Variants in ZNF420 observed in about 807,000 individuals in gnomAD.
ZNF420 encodes zinc finger protein 420, also known as ATM and p53-associated KZNF protein.
ZNF420 carries 31 observed loss-of-function variants against 44.7 expected under a neutral mutation model. The observed-to-expected ratio is 0.69, with a 90% CI of 0.52 to 0.94. The LOEUF (loss-of-function observed/expected upper bound fraction) is 0.94. ZNF420 is among the 40% of genes least tolerant of loss of function. The probability of loss-of-function intolerance (pLI) is 0.00; values close to 1 mark genes in which losing one functional copy is unlikely to be tolerated. For missense variants in ZNF420, 681 were observed against 827.9 expected (o/e 0.82, Z 2.18); for synonymous variants, 245 against 267.4 (o/e 0.92, Z 0.82).
At chr19:37,046,879 CTAAT>C (rs906022589) in intron 1 of ZNF420, among the ~76,000 whole-genome samples, 1 of 150,692 alleles carries the variant, frequency 6.6e-6, no homozygotes, top group Non-Finnish European at 1.5e-5. Context: ...ATATAAGGTG[CTAAT>C]TTTTAAGAAA....
chr19:37,127,728 C>T lies in ZNF420; in HGVS notation c.737C>T (p.Thr246Ile). The T allele has an allele frequency of 6.2e-7, 1 of 1,614,020 alleles. No individual in the cohort carries two copies. The highest frequency in any genetic ancestry group is 8.5e-7 in the Non-Finnish European group (1 of 1,179,952). The change falls in exon 5 of 5, where the codon ACT becomes ATT. Residue 246 changes from threonine (T) to isoleucine (I), a missense_variant. By Grantham distance (89) the Thr-to-Ile change is moderately conservative (BLOSUM62 -1). This residue lies in a region of ZNF420 where 350 missense variants were observed against 382.5 expected (regional missense o/e 0.92). Coordinates refer to ENST00000337995, the MANE Select transcript of ZNF420 (RefSeq NM_144689.5). ...CTTACCCGACATCAAAAAGTTCATA[C>T]TGGTGAGAAACCTTATGAATGTAAA... ...SQLTRHQKVH[T>I]GEKPYECKEC...
At chr19:37,122,766 C>G (rs1971126448) in intron 4 of ZNF420, among the ~76,000 whole-genome samples, 1 of 152,090 alleles carries the variant, frequency 6.6e-6, no homozygotes, top group Non-Finnish European at 1.5e-5. Context: ...TCAAACTTCC[C>G]TTTTTCATCC....
At chr19:37,019,234 T>C (rs1047067163) in intron 1 of ZNF420, among the ~76,000 whole-genome samples, 9 of 152,148 alleles carry the variant, frequency 5.9e-5, no homozygotes, top group Non-Finnish European at 1.3e-4. Context: ...ACAAAAATTA[T>C]TTCTCCAAAG....
At chr19:37,084,260 G>A (rs1464929563) in intron 2 of ZNF420, among the ~76,000 whole-genome samples, 1 of 152,124 alleles carries the variant, frequency 6.6e-6, no homozygotes, top group Non-Finnish European at 1.5e-5. Flanking sequence ...GTATTTTAAA[G>A]TTCCCGAAAA....
At chr19:37,113,634 T>C (rs1402307916) in intron 4 of ZNF420, among the ~76,000 whole-genome samples, 1 of 152,214 alleles carries the variant, frequency 6.6e-6, no homozygotes, top group East Asian at 1.9e-4. Context: ...CCTTGTCTTA[T>C]TGTATTGAAT....
chr19:37,064,090 C>A (rs1011523066), intron 1 of ZNF420, among the ~76,000 whole-genome samples: 1 of 152,162 alleles, frequency 6.6e-6, no homozygotes, highest in Non-Finnish European at 1.5e-5. Flanking sequence ...ATGCATGCTC[C>A]TATCAGGGGC....
At chr19:37,093,499 G>A (rs1969271662) in intron 4 of ZNF420, among the ~76,000 whole-genome samples, 1 of 152,072 alleles carries the variant, frequency 6.6e-6, no homozygotes, top group Non-Finnish European at 1.5e-5. Context: ...GACTACAGGC[G>A]TGAGCCAGTG....
At chr19:37,014,454 G>C (rs536321607) in intron 1 of ZNF420, among the ~76,000 whole-genome samples, 1 of 152,100 alleles carries the variant, frequency 6.6e-6, no homozygotes, top group African/African-American at 2.4e-5. Context: ...GAGCAGTCCC[G>C]AGTGCCCACC....
At chr19:37,014,227 A>G (rs1490354753) in intron 1 of ZNF420, among the ~76,000 whole-genome samples, 1 of 152,102 alleles carries the variant, frequency 6.6e-6, no homozygotes, top group Non-Finnish European at 1.5e-5. Context: ...GAGCAGCAGG[A>G]TTCCCTGAGC....
intron 1 of ZNF420, among the ~76,000 whole-genome samples, chr19:37,034,436 T>C (rs1967317314): frequency 6.6e-6 from 1 of 152,246 alleles, no homozygotes; most frequent in Non-Finnish European, 1.5e-5. Flanking sequence ...TTATTTGAAA[T>C]ATTTTCGTCC....
intron 4 of ZNF420, among the ~76,000 whole-genome samples, chr19:37,100,503 A>G (rs1969707728): frequency 1.3e-5 from 2 of 152,132 alleles, no homozygotes; most frequent in South Asian, 4.1e-4. Flanking sequence ...ACCTGAGGCC[A>G]GGAGTTTGAG....
chr19:37,029,132 A>T (rs968493681), intron 1 of ZNF420, among the ~76,000 whole-genome samples: 1 of 152,194 alleles, frequency 6.6e-6, no homozygotes, highest in African/African-American at 2.4e-5. Flanking sequence ...ATTCAGAAAT[A>T]TCTTTAACTT....
chr19:37,124,573 A>C (rs1443287996), intron 4 of ZNF420, among the ~76,000 whole-genome samples: 1 of 152,194 alleles, frequency 6.6e-6, no homozygotes, highest in Non-Finnish European at 1.5e-5. Context: ...AGTATTTGAG[A>C]ATTTTTGTGT....
At chr19:37,108,099 C>A (rs1970194019) in intron 4 of ZNF420, among the ~76,000 whole-genome samples, 1 of 152,140 alleles carries the variant, frequency 6.6e-6, no homozygotes, top group African/African-American at 2.4e-5. Flanking sequence ...TTGATCAATA[C>A]CAGATTGTGA....
chr19:37,016,816 G>A (rs2074612244), intron 1 of ZNF420, among the ~76,000 whole-genome samples: 1 of 152,196 alleles, frequency 6.6e-6, no homozygotes, highest in African/African-American at 2.4e-5. Flanking sequence ...GGCCAAACAG[G>A]TTAGTAGCCA....
At chr19:37,026,146 T>C (rs1024516009) in intron 1 of ZNF420, among the ~76,000 whole-genome samples, 1 of 151,208 alleles carries the variant, frequency 6.6e-6, no homozygotes, top group African/African-American at 2.4e-5. Flanking sequence ...AAACCCCATC[T>C]CTACTAAAAT....
intron 4 of ZNF420, among the ~76,000 whole-genome samples, chr19:37,121,664 A>G (rs1971044422): frequency 2.0e-5 from 3 of 152,240 alleles, no homozygotes; most frequent in Admixed American, 2.0e-4. Flanking sequence ...ACAGCAAAAG[A>G]AACTACCATC....
chr19:37,094,988 A>C (rs1455315528), intron 4 of ZNF420, among the ~76,000 whole-genome samples: 1 of 152,096 alleles, frequency 6.6e-6, no homozygotes, highest in Non-Finnish European at 1.5e-5. Flanking sequence ...AAAATTCGGT[A>C]GGTGTGGTGG....
intron 1 of ZNF420, among the ~76,000 whole-genome samples, chr19:37,021,869 G>A (rs975952750): frequency 2.8e-5 from 4 of 143,398 alleles, no homozygotes; most frequent in African/African-American, 1.0e-4. Context: ...CCCAGGAGGT[G>A]AAGGTTGTGG....
Sources: gnomAD v4.1 joint callset for allele counts (sites outside exome capture counted in the v4.1 genomes callset) on GRCh38, gnomAD v4.1.1 for gene constraint, gnomAD v4.1.1 regional missense constraint, MANE v1.5 for transcripts, NCBI Gene and HGNC (gene_info 2026-07-23, HGNC 2026-07-21) for gene names.